ASZ1: variants seen among roughly 807,000 people sequenced by gnomAD.
The protein encoded by ASZ1 is ankyrin repeat, SAM and basic leucine zipper domain-containing protein 1.
In ASZ1, 67 loss-of-function variants were observed where a neutral mutation model predicts 61.8. The ratio of observed to expected loss-of-function variants is 1.08; its 90% confidence interval spans 0.89 to 1.33. The LOEUF (loss-of-function observed/expected upper bound fraction) is 1.33, where lower values mean the gene tolerates loss of function less well. ASZ1 is among the 40% of genes most tolerant of loss of function. The pLI is 0.00. For missense variants in ASZ1, 577 were observed against 554.5 expected (o/e 1.04, Z -0.41); for synonymous variants, 193 against 192.7 (o/e 1.00, Z -0.01).
chr7:117,386,134 T>C (rs1796351950), intron 4 of ASZ1, among the ~76,000 whole-genome samples: 1 of 152,238 alleles, frequency 6.6e-6, no homozygotes, highest in Admixed American at 6.5e-5. Flanking sequence ...ACCCACACTA[T>C]GCTTATGCTA....
In ASZ1 at chr7:117,382,999, CT is replaced by C. The variant is rs756234130; in HGVS notation, c.798del (p.Asp267IlefsTer25). 12 of 1,570,606 alleles carry C rather than the reference CT, an allele frequency of 7.6e-6. No individual in the cohort carries two copies. The African/African-American group carries it at 1.5e-4, about 20-fold the overall frequency. ...ATGCTATATTACCTAAAAATGTGAT[CT>C]TTTTCTCTATCAGAATCTGTTGTCA... Reference protein sequence around the residue: ...KILTTDSDREKDHIFSSYTAF... With the variant: ...KILTTDSDREXDHIFSSYTAF... On this transcript the variant is annotated frameshift_variant, in exon 7 of 13. Transcript: ENST00000284629. LOFTEE classifies it high-confidence loss of function.
Position 117,381,054 on chromosome 7 carries a change from G to C in ASZ1, c.902C>G (p.Thr301Arg). ...CCTCATGGTCAAAAGATGTCTTAAC[G>C]TTATATCCCTTTCCTGTATAAAAGG... ...MTDLLKERDITLRHLLTMRED... is the reference protein window; with the variant it reads ...MTDLLKERDIRLRHLLTMRED... The change falls in exon 9 of 13, where the codon ACG becomes AGG. Residue 301 changes from threonine (T) to arginine (R), a missense_variant. Physicochemically the swap from Thr to Arg is moderately conservative, Grantham distance 71. Transcript: ENST00000284629. The C allele has an allele frequency of 6.3e-7, 1 of 1,595,148 alleles. No homozygotes were observed. The highest frequency in any genetic ancestry group is 8.5e-7 in the Non-Finnish European group (1 of 1,170,186).
At chr7:117,389,992 C>T (rs1012125378) in intron 4 of ASZ1, among the ~76,000 whole-genome samples, 4 of 152,064 alleles carry the variant, frequency 2.6e-5, no homozygotes, top group Middle Eastern at 3.4e-3. Context: ...TTCCTTTTTT[C>T]TTTTTTCTAT....
intron 4 of ASZ1, among the ~76,000 whole-genome samples, chr7:117,386,297 T>C (rs146352663): frequency 6.6e-6 from 1 of 152,354 alleles, no homozygotes; most frequent in African/African-American, 2.4e-5. Flanking sequence ...GATTCTACTT[T>C]AGTCTGAGAC....
At chr7:117,364,986 T>C (rs1207641017) in intron 12 of ASZ1, among the ~76,000 whole-genome samples, 3 of 152,206 alleles carry the variant, frequency 2.0e-5, no homozygotes, top group Non-Finnish European at 4.4e-5. Flanking sequence ...CATACACTTA[T>C]CTGTGATAAC....
chr7:117,401,117 G>A (rs1323982108), intron 4 of ASZ1, among the ~76,000 whole-genome samples: 2 of 152,128 alleles, frequency 1.3e-5, no homozygotes, highest in African/African-American at 4.8e-5. Context: ...AGAATTAATG[G>A]CCTGGAAGAT....
Position 117,373,367 on chromosome 7 carries a change from T to C in ASZ1, c.1056-4650A>G, listed in dbSNP as rs568097202. Among the ~76,000 whole-genome samples, 267 of 152,270 alleles carry C rather than the reference T, an allele frequency of 1.8e-3. 2 individuals are homozygous for C. Among genetic ancestry groups the C allele is most frequent in the African/African-American group, 6.3e-3 (261 of 41,558 alleles). ...GGGACTACAGGCACACCCCACGGCA[T>C]TGGCTTTAAATTGCATACTTTAATT... On this transcript the variant is annotated intron_variant, in intron 10 of 12. Transcript: ENST00000284629.
Position 117,381,054 on chromosome 7 carries a change from G to T in ASZ1, c.902C>A (p.Thr301Lys). 14 of 1,595,148 alleles carry T rather than the reference G, an allele frequency of 8.8e-6. No individual in the cohort carries two copies. Among genetic ancestry groups the T allele is most frequent in the Admixed American group, 1.8e-5 (1 of 56,862 alleles). The change falls in exon 9 of 13, where the codon ACG becomes AAG. Residue 301 changes from threonine (T) to lysine (K), a missense_variant. Coordinates refer to ENST00000284629, the MANE Select transcript of ASZ1 (RefSeq NM_130768.3). ...CCTCATGGTCAAAAGATGTCTTAAC[G>T]TTATATCCCTTTCCTGTATAAAAGG... ...MTDLLKERDI[T>K]LRHLLTMRED... is the part of the protein sequence containing the mutation.
rs112234685 is a variant in ASZ1, at chr7:117,386,627, A to G, written c.441-818T>C. Among the ~76,000 whole-genome samples the G allele has an allele frequency of 3.4e-3, 517 of 152,312 alleles. 2 individuals carry two copies. The highest frequency in any genetic ancestry group is 0.012 in the African/African-American group (479 of 41,572). The stretch of plus-strand genomic sequence containing the variant: ...CGTCCTCAAGATCTGATTTATACAC[A>G]AAGAACTTTGGAAAAGAAAAATAAA... On this transcript the variant is annotated intron_variant, in intron 4 of 12. Transcript: ENST00000284629.
chr7:117,427,290 G>T (rs34405004), intron 1 of ASZ1, 66 bp downstream of exon 1: 28 of 1,532,648 alleles, frequency 1.8e-5, no homozygotes, highest in Admixed American at 8.4e-5. Context: ...ACGAGGCTGG[G>T]CCTCGCCTTC....
chr7:117,411,610 A>C (rs1796891171), intron 4 of ASZ1, among the ~76,000 whole-genome samples: 1 of 151,860 alleles, frequency 6.6e-6, no homozygotes, highest in Admixed American at 6.6e-5. Context: ...CCTTTTGAGC[A>C]ATTCTACTTC....
intron 4 of ASZ1, among the ~76,000 whole-genome samples, chr7:117,395,049 G>A (rs1432078818): frequency 6.6e-6 from 1 of 152,002 alleles, no homozygotes; most frequent in Non-Finnish European, 1.5e-5. Context: ...TCAGATTTTG[G>A]TGATTTTTGG....
Position 117,380,085 on chromosome 7 carries a change from A to G in ASZ1, c.946-38T>C, listed in dbSNP as rs375092507. On this transcript the variant is annotated intron_variant, in intron 9 of 12. Transcript: ENST00000284629. ...AATTTTAAGGTACAGTAAGTTAGTT[A>G]TACTTGAGTAATTTAAAACTCAAAA... The G allele has an allele frequency of 5.3e-6, 7 of 1,329,694 alleles. No homozygotes were observed. In the African/African-American group the frequency reaches 1.0e-4, roughly 20 times the overall value. 82.4% of individuals were successfully genotyped at this position (1,329,694 alleles called of 1,614,324 possible). A position where few individuals can be genotyped will look rare whatever the true frequency, so the allele number is the denominator to read the frequency against.
At chr7:117,415,416 T>C (rs374700365) in intron 4 of ASZ1, among the ~76,000 whole-genome samples, 1 of 152,306 alleles carries the variant, frequency 6.6e-6, no homozygotes, top group South Asian at 2.1e-4. Context: ...AATTATCAGA[T>C]TGACAGATCT....
chr7:117,416,680 TG>T (rs1796999899), intron 4 of ASZ1, among the ~76,000 whole-genome samples: 1 of 152,240 alleles, frequency 6.6e-6, no homozygotes, highest in Non-Finnish European at 1.5e-5. Flanking sequence ...TCTCATCTTG[TG>T]GTGTAAGTTA....
intron 4 of ASZ1, among the ~76,000 whole-genome samples, chr7:117,387,217 AGAATCACCT>A (rs1796375852): frequency 6.6e-6 from 1 of 151,052 alleles, no homozygotes; most frequent in Non-Finnish European, 1.5e-5. Flanking sequence ...CAGAGGTGGG[AGAATCACCT>A]GAGCCTGGGA....
At chr7:117,396,143 A>G (rs1291510471) in intron 4 of ASZ1, among the ~76,000 whole-genome samples, 3 of 152,216 alleles carry the variant, frequency 2.0e-5, no homozygotes, top group Non-Finnish European at 4.4e-5. Flanking sequence ...TAGTTTCTAT[A>G]TTTGTGACAC....
chr7:117,383,862 A>T (rs2116471791), intron 6 of ASZ1, among the ~76,000 whole-genome samples: 1 of 152,172 alleles, frequency 6.6e-6, no homozygotes, highest in Non-Finnish European at 1.5e-5. Flanking sequence ...TCCTTTTTGA[A>T]ATTCTACAGG....
In ASZ1 at chr7:117,381,032, C is replaced by A; in HGVS notation, c.924G>T (p.Met308Ile). ...TAACCTTTGTAAATTCATCTTCCCT[C>A]ATGGTCAAAAGATGTCTTAACGTTA... Reference protein sequence around the residue: ...RDITLRHLLTMREDEFTKNGI... With the variant: ...RDITLRHLLTIREDEFTKNGI... Residue 308 changes from methionine to isoleucine, a missense_variant, in exon 9 of 13, where the codon ATG becomes ATT. By Grantham distance (10) the Met-to-Ile change is conservative. Transcript: ENST00000284629. The A allele has an allele frequency of 6.3e-7, 1 of 1,598,612 alleles. No homozygotes were observed. Among genetic ancestry groups the A allele is most frequent in the South Asian group, 1.1e-5 (1 of 88,770 alleles).
Sources: allele counts gnomAD v4.1 joint callset (sites outside exome capture counted in the v4.1 genomes callset), GRCh38; gene constraint gnomAD v4.1.1; transcripts MANE v1.5; gene names NCBI Gene and HGNC (gene_info 2026-07-23, HGNC 2026-07-21).